Variants in BTG4 observed in about 807,000 individuals in gnomAD.
BTG4 encodes the protein BTG anti-proliferation factor 4.
BTG4 carries 10 observed loss-of-function variants against 19.3 expected under a neutral mutation model. That is an observed-to-expected ratio of 0.52 (90% CI 0.32 to 0.88). The LOEUF (loss-of-function observed/expected upper bound fraction) is 0.88, where lower values mean the gene tolerates loss of function less well. BTG4 is among the 40% of genes least tolerant of loss of function. BTG4 has a pLI of 0.04. For missense variants in BTG4, 238 were observed against 281.9 expected (o/e 0.84, Z 1.11); for synonymous variants, 91 against 95.7 (o/e 0.95, Z 0.29).
chr11:111,454,636 C>A, the BTG4 span, among the ~76,000 whole-genome samples: 1 of 152,198 alleles, frequency 6.6e-6, no homozygotes, highest in African/African-American at 2.4e-5. Context: ...ATCTCCATCC[C>A]TAGTCCTCGG....
the BTG4 span, among the ~76,000 whole-genome samples, chr11:111,395,379 C>T: frequency 6.6e-6 from 1 of 152,238 alleles, no homozygotes; most frequent in Admixed American, 6.5e-5. Context: ...CTGGCTCCTG[C>T]TCCCATCCCT....
chr11:111,513,364 T>G (rs1867088255), upstream of BTG4: 2 of 531,332 alleles, frequency 3.8e-6, no homozygotes, highest in Non-Finnish European at 7.7e-6. Flanking sequence ...TCAGTTGAGC[T>G]CCAACTCAAC....
chr11:111,489,420 T>A (rs1044229601), intron 5 of BTG4, among the ~76,000 whole-genome samples: 25 of 152,040 alleles, frequency 1.6e-4, no homozygotes, highest in African/African-American at 4.8e-4. Context: ...GATCCAGCAA[T>A]CCCACCGCTA....
the BTG4 span, among the ~76,000 whole-genome samples, chr11:111,404,880 A>C: frequency 1.3e-5 from 2 of 152,190 alleles, no homozygotes; most frequent in Admixed American, 1.3e-4. Flanking sequence ...TCACATTTTC[A>C]CTTCATGTTA....
chr11:111,478,503 G>A (rs1456288022), intron 5 of BTG4, among the ~76,000 whole-genome samples: 1 of 152,078 alleles, frequency 6.6e-6, no homozygotes, highest in Admixed American at 6.6e-5. Context: ...AGAGTGAGGA[G>A]AAAACCTAAT....
the BTG4 span, chr11:111,451,389 A>G: frequency 2.2e-5 from 10 of 453,884 alleles, no homozygotes; most frequent in Admixed American, 2.1e-4. Flanking sequence ...TCGTCTGAGC[A>G]GCAACCGACA....
chr11:111,426,156 G>A, the BTG4 span, among the ~76,000 whole-genome samples: 6,545 of 152,248 alleles, frequency 0.043, 478 homozygotes, highest in African/African-American at 0.15. Flanking sequence ...GGAGGGTGAT[G>A]AGTTCATGTG....
At chr11:111,452,796 G>T in the BTG4 span, among the ~76,000 whole-genome samples, 10 of 152,346 alleles carry the variant, frequency 6.6e-5, no homozygotes, top group South Asian at 2.1e-3. Context: ...ACCAAGGCAG[G>T]AGTTGACTGT....
At chr11:111,391,046 A>C in the BTG4 span, among the ~76,000 whole-genome samples, 1 of 152,242 alleles carries the variant, frequency 6.6e-6, no homozygotes, top group African/African-American at 2.4e-5. Context: ...CAAATTTGGC[A>C]TAAAAACAGT....
chr11:111,494,637 T>C (rs1356657571), downstream of BTG4, among the ~76,000 whole-genome samples: 1 of 152,066 alleles, frequency 6.6e-6, no homozygotes, highest in Non-Finnish European at 1.5e-5. Context: ...GGAGAAAGAA[T>C]GAATGGTGGC....
the BTG4 span, among the ~76,000 whole-genome samples, chr11:111,423,048 G>C: frequency 2.6e-5 from 4 of 152,120 alleles, no homozygotes; most frequent in African/African-American, 7.2e-5. Flanking sequence ...GGACCCTGTA[G>C]CCAGTGACTC....
the BTG4 span, among the ~76,000 whole-genome samples, chr11:111,411,247 TCTC>T: frequency 1.3e-5 from 2 of 152,038 alleles, no homozygotes; most frequent in Admixed American, 1.3e-4. Context: ...CTCCTTCTAC[TCTC>T]CTCCTGTTCA....
At chr11:111,426,838 A>G in the BTG4 span, among the ~76,000 whole-genome samples, 1 of 152,206 alleles carries the variant, frequency 6.6e-6, no homozygotes, top group Non-Finnish European at 1.5e-5. Flanking sequence ...GGGAAAGTTA[A>G]TATCACCCCG....
the BTG4 span, among the ~76,000 whole-genome samples, chr11:111,434,084 T>C: frequency 3.3e-5 from 5 of 152,310 alleles, no homozygotes; most frequent in African/African-American, 4.8e-5. Flanking sequence ...CATGCTACTA[T>C]AAAGACACAT....
At chr11:111,452,658 T>C in the BTG4 span, 1 of 152,206 alleles carries the variant, frequency 6.6e-6, no homozygotes, top group African/African-American at 2.4e-5. Context: ...CATTCCTGTT[T>C]ATGATAAGCA....
At chr11:111,509,562 G>C (rs910564275) in intron 1 of BTG4, among the ~76,000 whole-genome samples, 1 of 151,902 alleles carries the variant, frequency 6.6e-6, no homozygotes, top group African/African-American at 2.4e-5. Flanking sequence ...CAGGCATGGT[G>C]GTGGGCGCCT....
At chr11:111,396,040 C>A in the BTG4 span, among the ~76,000 whole-genome samples, 2 of 152,204 alleles carry the variant, frequency 1.3e-5, no homozygotes, top group African/African-American at 2.4e-5. Flanking sequence ...TCCCTGTGCC[C>A]CTCAACCTTC....
chr11:111,472,524 A>T (rs76399354), intron 5 of BTG4, among the ~76,000 whole-genome samples: 4,156 of 152,268 alleles, frequency 0.027, 85 homozygotes, highest in Non-Finnish European at 0.043. Flanking sequence ...CCCAGAGCAA[A>T]GAGTTACTCA....
At chr11:111,465,529 T>C (rs191982245), downstream of BTG4, among the ~76,000 whole-genome samples, 38 of 152,342 alleles carry the variant, frequency 2.5e-4, no homozygotes, top group Admixed American at 2.0e-3. Flanking sequence ...TTACTCATCT[T>C]ATAGATGAGG....
Sources: gnomAD v4.1 joint callset for allele counts (sites outside exome capture counted in the v4.1 genomes callset) on GRCh38, gnomAD v4.1.1 for gene constraint, MANE v1.5 for transcripts, NCBI Gene and HGNC (gene_info 2026-07-23, HGNC 2026-07-21) for gene names.